The following SRBD1 variants were observed in gnomAD, a reference collection of about 807,000 sequenced individuals.
SRBD1 encodes the protein S1 RNA-binding domain-containing protein 1.
SRBD1 carries 88 observed loss-of-function variants against 115.3 expected under a neutral mutation model. That is an observed-to-expected ratio of 0.76 (90% CI 0.64 to 0.91). The LOEUF (loss-of-function observed/expected upper bound fraction) is 0.91, where lower values mean the gene tolerates loss of function less well. SRBD1 is among the 40% of genes least tolerant of loss of function. The pLI is 0.00. For missense variants in SRBD1, 1,385 were observed against 1,177.4 expected, an observed-to-expected ratio of 1.18 and a Z score of -2.58; for synonymous variants, 509 against 407.7, an observed-to-expected ratio of 1.25 and a Z score of -2.99.
chr2:45,597,470 C>T (rs1228392308), intron 4 of SRBD1, among the ~76,000 whole-genome samples: 5 of 151,712 alleles, frequency 3.3e-5, no homozygotes, highest in Admixed American at 1.3e-4. Flanking sequence ...ACTGGTTAGT[C>T]TACGTAACTA....
At chr2:45,524,272 T>C (rs1671374190) in intron 14 of SRBD1, among the ~76,000 whole-genome samples, 1 of 152,024 alleles carries the variant, frequency 6.6e-6, no homozygotes, top group South Asian at 2.1e-4. Flanking sequence ...GCCACTTCTA[T>C]TCAACACTGC....
At chr2:45,450,294 G>A (rs964278169) in intron 16 of SRBD1, among the ~76,000 whole-genome samples, 3 of 152,066 alleles carry the variant, frequency 2.0e-5, no homozygotes, top group Non-Finnish European at 2.9e-5. Context: ...TTAAGGGCAG[G>A]GATCATGAAC....
chr2:45,459,614 G>A (rs1669253934), intron 16 of SRBD1, among the ~76,000 whole-genome samples: 2 of 152,136 alleles, frequency 1.3e-5, no homozygotes, highest in Admixed American at 1.3e-4. Context: ...CTACTAAAGT[G>A]AATGAAATTT....
intron 1 of SRBD1, among the ~76,000 whole-genome samples, chr2:45,605,739 A>C (rs537166451): frequency 6.6e-6 from 1 of 152,056 alleles, no homozygotes; most frequent in Non-Finnish European, 1.5e-5. Flanking sequence ...CTCAGTCTCT[A>C]CTAAAAATAG....
At chr2:45,450,805 C>T (rs1480683688) in intron 16 of SRBD1, among the ~76,000 whole-genome samples, 1 of 152,046 alleles carries the variant, frequency 6.6e-6, no homozygotes, top group East Asian at 1.9e-4. Context: ...GGACAGGTCC[C>T]AGCCACAGAA....
At position 45,545,283 on chromosome 2, in the gene SRBD1, T is replaced by TA. The variant is rs56909656; in HGVS notation, c.1874+1448dup. Among the ~76,000 whole-genome samples the TA allele has an allele frequency of 5.5e-3, 374 of 68,550 alleles. 16 individuals are homozygous for TA. Among genetic ancestry groups the TA allele is most frequent in the East Asian group, 0.016 (16 of 970 alleles). 45.0% of individuals were successfully genotyped at this position (68,550 alleles called of 152,430 possible). A position where few individuals can be genotyped will look rare whatever the true frequency, so the allele number is the denominator to read the frequency against. ...TGACAGAGCGAGACTCTGTCTCAATTAAAAAAAAAAAAAAAAAAAAAAAAA... is the reference window on the plus strand; with the variant it reads ...TGACAGAGCGAGACTCTGTCTCAATTAAAAAAAAAAAAAAAAAAAAAAAAAA... On this transcript the variant is annotated intron_variant, in intron 14 of 20. Coordinates refer to ENST00000263736, the MANE Select transcript of SRBD1 (RefSeq NM_018079.5).
At chr2:45,539,426 C>T (rs1185823686) in intron 14 of SRBD1, among the ~76,000 whole-genome samples, 2 of 152,134 alleles carry the variant, frequency 1.3e-5, no homozygotes, top group Non-Finnish European at 2.9e-5. Context: ...AAAGATCCCC[C>T]ACCTACTCTC....
At chr2:45,530,793 G>A (rs1246009419) in intron 14 of SRBD1, among the ~76,000 whole-genome samples, 1 of 151,942 alleles carries the variant, frequency 6.6e-6, no homozygotes, top group Non-Finnish European at 1.5e-5. Context: ...ATATGGCAAT[G>A]ACAGTAAGAT....
rs59070689 is a variant in SRBD1, at chr2:45,506,099, G to A, written c.1875-17768C>T. 5.3e-3 allele frequency among the ~76,000 whole-genome samples: 801 copies of A among 152,266 alleles called. 8 individuals carry two copies. The highest frequency in any genetic ancestry group is 0.018 in the African/African-American group (759 of 41,566). On this transcript the variant is annotated intron_variant, in intron 14 of 20. Coordinates refer to ENST00000263736, the MANE Select transcript of SRBD1 (RefSeq NM_018079.5). Reference sequence around the variant, plus strand: ...AATATTCAAAGCAGGAGATGCTGAAGAAGCATACAAATCAGTGATTTGTTT... The same window carrying A: ...AATATTCAAAGCAGGAGATGCTGAAAAAGCATACAAATCAGTGATTTGTTT...
Position 45,441,810 on chromosome 2 carries a change from A to G in SRBD1, c.2050-21916T>C, listed in dbSNP as rs3755074. On this transcript the variant is annotated intron_variant, in intron 16 of 20. Transcript: ENST00000263736. ...TTATAGAAACGCTTTCTTAGCAGGC[A>G]TCAATCAACAGCAAACTCAGAAATT... is the stretch of plus-strand genomic sequence containing the variant. Among the ~76,000 whole-genome samples, 3 of 152,372 alleles carry G rather than the reference A, an allele frequency of 2.0e-5. No homozygotes were observed. In the East Asian group the frequency reaches 5.8e-4, roughly 29 times the overall value.
intron 4 of SRBD1, among the ~76,000 whole-genome samples, chr2:45,590,482 C>T (rs531183897): frequency 6.6e-6 from 1 of 152,302 alleles, no homozygotes; most frequent in East Asian, 1.9e-4. Flanking sequence ...TCCCCATAAT[C>T]CCCACGTGTC....
At chr2:45,606,157 CTTTTT>C (rs71394845) in intron 1 of SRBD1, among the ~76,000 whole-genome samples, 3 of 116,768 alleles carry the variant, frequency 2.6e-5, no homozygotes, top group African/African-American at 6.5e-5. Context: ...TTTTCCTATT[CTTTTT>C]TTTTTTTTTT....
chr2:45,468,379 T>C (rs920018449), intron 16 of SRBD1, among the ~76,000 whole-genome samples: 1 of 151,494 alleles, frequency 6.6e-6, no homozygotes, highest in Non-Finnish European at 1.5e-5. Context: ...TAAATATTGC[T>C]TCAATGAACT....
chr2:45,498,168 C>T (rs527580333), intron 14 of SRBD1, among the ~76,000 whole-genome samples: 1 of 152,202 alleles, frequency 6.6e-6, no homozygotes, highest in Non-Finnish European at 1.5e-5. Flanking sequence ...ATGATGTAAA[C>T]CATTTACTCA....
rs181712699 is a variant in SRBD1, at chr2:45,486,440, G to C, written c.1966+1800C>G. Among the ~76,000 whole-genome samples, 1,115 of 152,154 alleles carry C rather than the reference G, an allele frequency of 7.3e-3. 14 individuals carry two copies. The highest frequency in any genetic ancestry group is 0.011 in the Non-Finnish European group (734 of 67,970). On this transcript the variant is annotated intron_variant, in intron 15 of 20. Transcript: ENST00000263736. ...GCCTCAGTTTCCTATTTTAGAAGTG[G>C]GGATAGGCTGGGTGCGGTGGCTCAC...
intron 7 of SRBD1, among the ~76,000 whole-genome samples, chr2:45,575,807 G>A (rs1673157535): frequency 6.6e-6 from 1 of 152,136 alleles, no homozygotes; most frequent in Non-Finnish European, 1.5e-5. Flanking sequence ...GGGTTCAAGT[G>A]ATTCTCCTGC....
chr2:45,441,070 T>C lies in SRBD1; in HGVS notation c.2050-21176A>G, dbSNP rs556231165. On this transcript the variant is annotated intron_variant, in intron 16 of 20. Transcript: ENST00000263736. ...ACATACATGTATGTGGCCACACATGTAGTCAGATGTGAACTGGCTTCCAGC... is the reference window on the plus strand; with the variant it reads ...ACATACATGTATGTGGCCACACATGCAGTCAGATGTGAACTGGCTTCCAGC... Among the ~76,000 whole-genome samples, 4 of 152,362 alleles carry C rather than the reference T, an allele frequency of 2.6e-5. No homozygotes were observed. The East Asian group carries it at 7.7e-4, about 29-fold the overall frequency.
At chr2:45,398,166 C>A (rs1558551683) in intron 19 of SRBD1, among the ~76,000 whole-genome samples, 1 of 152,090 alleles carries the variant, frequency 6.6e-6, no homozygotes, top group Non-Finnish European at 1.5e-5. Flanking sequence ...CGTTTTTTTA[C>A]AGTAAATTAA....
At chr2:45,413,092 C>T (rs1473904524) in intron 19 of SRBD1, 22 bp downstream of exon 19, 1 of 1,598,970 alleles carries the variant, frequency 6.3e-7, no homozygotes, top group Admixed American at 1.8e-5. Context: ...ATGGAGAATT[C>T]CCACATGGGC....
Sources: allele counts gnomAD v4.1 joint callset (sites outside exome capture counted in the v4.1 genomes callset), GRCh38; gene constraint gnomAD v4.1.1; transcripts MANE v1.5; gene names NCBI Gene and HGNC (gene_info 2026-07-23, HGNC 2026-07-21).